The following FKBP9 variants were observed in gnomAD, a reference collection of about 807,000 sequenced individuals.
FKBP9 encodes FKBP prolyl isomerase 9, also known as peptidyl-prolyl cis-trans isomerase FKBP9.
Under a neutral mutation model 55.6 loss-of-function variants are expected in FKBP9, and 27 were observed. The observed-to-expected ratio is 0.49, with a 90% CI of 0.36 to 0.67. FKBP9 has a LOEUF of 0.67. FKBP9 is among the 30% of genes least tolerant of loss of function. FKBP9 has a pLI of 0.00. For synonymous variants in FKBP9, 267 were observed against 296.5 expected (o/e 0.90, Z 1.02); for missense variants, 539 against 742.8 (o/e 0.73, Z 3.19).
At chr7:32,966,850 C>T (rs1405630136) in intron 1 of FKBP9, among the ~76,000 whole-genome samples, 1 of 152,190 alleles carries the variant, frequency 6.6e-6, no homozygotes, top group Non-Finnish European at 1.5e-5. Context: ...TTTAAACAAG[C>T]AGATCTGTGA....
At chr7:32,982,984 A>ATGTGTGTG (rs71559288) in intron 5 of FKBP9, among the ~76,000 whole-genome samples, 9,985 of 142,050 alleles carry the variant, frequency 0.07, 389 homozygotes, top group Middle Eastern at 0.11. Context: ...GTCAAAGGTT[A>ATGTGTGTG]TGTGTGTGTG....
In FKBP9 at chr7:32,963,813, A is replaced by C. The variant is rs1210637512; in HGVS notation, c.221+6019A>C. Reference sequence around the variant, plus strand: ...GCTGCACACATGACCTCTGGGATCCAGCACCAGCGCCGACAAACTGGACTT... The same window carrying C: ...GCTGCACACATGACCTCTGGGATCCCGCACCAGCGCCGACAAACTGGACTT... On this transcript the variant is annotated intron_variant, in intron 1 of 9. Coordinates refer to ENST00000242209, the MANE Select transcript of FKBP9 (RefSeq NM_007270.5). The C allele has an allele frequency of 5.0e-6, 6 of 1,205,958 alleles. No homozygotes were observed. In the East Asian group the frequency reaches 1.9e-4, roughly 38 times the overall value. 74.7% of individuals were successfully genotyped at this position (1,205,958 alleles called of 1,614,324 possible).
intron 5 of FKBP9, among the ~76,000 whole-genome samples, chr7:32,984,268 C>G (rs1159733484): frequency 1.3e-5 from 2 of 149,204 alleles, no homozygotes; most frequent in Admixed American, 6.6e-5. Flanking sequence ...GAGTCTCACT[C>G]TGCTGCCCAG....
intron 1 of FKBP9, among the ~76,000 whole-genome samples, chr7:32,969,503 C>T (rs1361468585): frequency 3.9e-5 from 6 of 152,148 alleles, no homozygotes; most frequent in Non-Finnish European, 1.5e-5. Flanking sequence ...CACTGTGTAG[C>T]CTTAGCCCTT....
intron 1 of FKBP9, among the ~76,000 whole-genome samples, chr7:32,970,399 T>C (rs1784228987): frequency 6.6e-6 from 1 of 152,044 alleles, no homozygotes; most frequent in Non-Finnish European, 1.5e-5. Context: ...TTTCACCATG[T>C]TGGCCAGGCT....
chr7:32,998,502 A>G (rs1784860776), intron 7 of FKBP9: 1 of 152,160 alleles, frequency 6.6e-6, no homozygotes, highest in Non-Finnish European at 1.5e-5. Context: ...AGAGCTCCTT[A>G]TCAGGAAGTG....
intron 7 of FKBP9, among the ~76,000 whole-genome samples, chr7:32,996,606 TTTCCTTCCTTCCTTCCTTCC>T (rs201756956): frequency 2.8e-3 from 312 of 110,416 alleles, no homozygotes; most frequent in South Asian, 5.0e-3. Context: ...AACTGCTATC[TTTCCTTCCTTCCTTCCTTCC>T]TTCCTTCCTT....
chr7:33,005,252 G>A lies in FKBP9; in HGVS notation c.1614G>A (p.Val538=). The A allele has an allele frequency of 6.2e-7, 1 of 1,614,202 alleles. No homozygotes were observed. Among genetic ancestry groups the A allele is most frequent in the Non-Finnish European group, 8.5e-7 (1 of 1,180,044 alleles). The part of the protein sequence containing the change: ...LAPGFDAELI[V]KNMFTNQDRN... The stretch of plus-strand genomic sequence containing the variant: ...CTGGCTTTGATGCTGAGCTGATTGT[G>A]AAGAATATGTTCACCAACCAGGACC... The change falls in exon 10 of 10, where the codon GTG becomes GTA. Residue 538 remains valine (V), a synonymous_variant. Coordinates refer to ENST00000242209, the MANE Select transcript of FKBP9 (RefSeq NM_007270.5).
intron 1 of FKBP9, among the ~76,000 whole-genome samples, chr7:32,958,946 C>T (rs1783960578): frequency 6.6e-6 from 1 of 152,098 alleles, no homozygotes; most frequent in Non-Finnish European, 1.5e-5. Flanking sequence ...TTTGTTGAGC[C>T]CCTGCTATGT....
intron 5 of FKBP9, among the ~76,000 whole-genome samples, chr7:32,981,805 G>C (rs1053827433): frequency 2.7e-5 from 4 of 150,838 alleles, no homozygotes; most frequent in Non-Finnish European, 5.9e-5. Flanking sequence ...GCTGAGTCAG[G>C]AGAATGACTT....
chr7:32,990,243 A>C (rs1051181108), intron 6 of FKBP9, among the ~76,000 whole-genome samples: 6 of 152,164 alleles, frequency 3.9e-5, no homozygotes, highest in Non-Finnish European at 8.8e-5. Context: ...GTCTTTGTAA[A>C]AGGGAGGCAG....
chr7:32,970,843 C>A (rs974459456), intron 1 of FKBP9, among the ~76,000 whole-genome samples: 22 of 151,596 alleles, frequency 1.5e-4, no homozygotes, highest in African/African-American at 5.1e-4. Flanking sequence ...GATATTTTTA[C>A]TTCTTCCTTT....
At chr7:33,003,827 C>T (rs1784977742) in intron 9 of FKBP9, among the ~76,000 whole-genome samples, 1 of 152,200 alleles carries the variant, frequency 6.6e-6, no homozygotes, top group South Asian at 2.1e-4. Context: ...TTTTCTCTGT[C>T]TTTAAGTCAC....
intron 1 of FKBP9, among the ~76,000 whole-genome samples, chr7:32,973,606 T>TGTGTG (rs1583847771): frequency 2.7e-5 from 4 of 146,762 alleles, no homozygotes; most frequent in East Asian, 2.0e-4. Context: ...TGTGTGTGTG[T>TGTGTG]TAACTTTGGC....
intron 1 of FKBP9, among the ~76,000 whole-genome samples, chr7:32,969,247 A>G (rs1784208982): frequency 6.6e-6 from 1 of 152,120 alleles, no homozygotes; most frequent in African/African-American, 2.4e-5. Context: ...AAAGTTTGAC[A>G]AAGTCCTCTT....
chr7:33,000,031 A>G (rs1784902494), intron 7 of FKBP9, 84 bp from the exon 8 acceptor site: 2 of 1,531,604 alleles, frequency 1.3e-6, no homozygotes, highest in African/African-American at 2.7e-5. Context: ...GAAATATCCT[A>G]GAAGTGATGT....
chr7:32,966,274 A>G (rs932633209), intron 1 of FKBP9, among the ~76,000 whole-genome samples: 3 of 150,356 alleles, frequency 2.0e-5, no homozygotes, highest in Admixed American at 2.0e-4. Context: ...GCTTTTGTGT[A>G]GGCAGTTTAG....
chr7:32,974,675 A>T lies in FKBP9; in HGVS notation c.280A>T (p.Met94Leu), dbSNP rs1171957649. 6.2e-7 allele frequency: 1 copy of T among 1,613,814 alleles called. No individual in the cohort carries two copies. Among genetic ancestry groups the T allele is most frequent in the Non-Finnish European group, 8.5e-7 (1 of 1,179,832 alleles). The change falls in exon 2 of 10, where the codon ATG (methionine) becomes TTG (leucine). Residue 94 changes from methionine (M) to leucine (L), a missense_variant. By Grantham distance (15) the Met-to-Leu change is conservative. Coordinates refer to ENST00000242209, the MANE Select transcript of FKBP9 (RefSeq NM_007270.5). ...FVGKGQLITG[M>L]DQALVGMCVN... is the part of the protein sequence containing the mutation. ...GGGAAAAGGACAGCTGATCACAGGGATGGACCAGGCTCTTGTTGGGATGTG... is the reference window on the plus strand; with the variant it reads ...GGGAAAAGGACAGCTGATCACAGGGTTGGACCAGGCTCTTGTTGGGATGTG...
chr7:32,985,615 T>G (rs1784561271), intron 5 of FKBP9, among the ~76,000 whole-genome samples: 1 of 152,250 alleles, frequency 6.6e-6, no homozygotes, highest in Admixed American at 6.5e-5. Context: ...TAATTATTTC[T>G]TTTTTCAGGT....
Sources: allele counts gnomAD v4.1 joint callset (sites outside exome capture counted in the v4.1 genomes callset), GRCh38; gene constraint gnomAD v4.1.1; transcripts MANE v1.5; gene names NCBI Gene and HGNC (gene_info 2026-07-23, HGNC 2026-07-21).